The following MLF1 variants were observed in gnomAD, a reference collection of about 807,000 sequenced individuals.
MLF1 encodes myeloid leukemia factor 1.
A neutral mutation model predicts 38.3 loss-of-function variants in MLF1; 37 were observed. The observed-to-expected ratio is 0.96, with a 90% confidence interval of 0.74 to 1.27. The LOEUF (loss-of-function observed/expected upper bound fraction) is 1.27, where lower values mean the gene tolerates loss of function less well. Ranked by LOEUF, MLF1 falls within the 50% of genes most tolerant of loss-of-function variation. The probability of loss-of-function intolerance (pLI) is 0.00; values close to 1 mark genes in which losing one functional copy is unlikely to be tolerated. For synonymous variants in MLF1, 95 were observed against 106.5 expected, an observed-to-expected ratio of 0.89 and a Z score of 0.66; for missense variants, 331 against 349.2, an observed-to-expected ratio of 0.95 and a Z score of 0.42.
chr3:158,601,420 T>A (rs1719725344), intron 6 of MLF1, among the ~76,000 whole-genome samples: 1 of 151,960 alleles, frequency 6.6e-6, no homozygotes, highest in Admixed American at 6.6e-5. Flanking sequence ...ATACAAAAAT[T>A]AGCCGGGCAT....
chr3:158,592,465 C>A lies in MLF1; in HGVS notation c.79C>A (p.Arg27=). The change falls in exon 2 of 8, where the codon CGA becomes AGA. Residue 27 remains arginine, a synonymous_variant. Transcript: ENST00000466246. The part of the protein sequence containing the change: ...ESILAHRENM[R]QMIRSFSEPF... ...CATTCTTGCACACCGAGAAAATATGCGACAGATGATAAGAAGTTTTTCTGA... is the reference window on the plus strand; with the variant it reads ...CATTCTTGCACACCGAGAAAATATGAGACAGATGATAAGAAGTTTTTCTGA... 1 of 1,608,714 alleles carries A rather than the reference C, an allele frequency of 6.2e-7. No homozygotes were observed. Among genetic ancestry groups the A allele is most frequent in the East Asian group, 2.2e-5 (1 of 44,680 alleles).
chr3:158,586,015 T>A (rs540994328), intron 1 of MLF1, among the ~76,000 whole-genome samples: 14 of 151,516 alleles, frequency 9.2e-5, no homozygotes, highest in South Asian at 6.3e-4. Flanking sequence ...TACAAAAAAA[T>A]TTGTATGGCA....
chr3:158,591,653 G>T (rs1718171309), intron 1 of MLF1, among the ~76,000 whole-genome samples: 1 of 152,012 alleles, frequency 6.6e-6, no homozygotes, highest in African/African-American at 2.4e-5. Flanking sequence ...CAATCATGGT[G>T]TACCTTAAGT....
At chr3:158,589,060 T>G in intron 1 of MLF1, 2 of 357,496 alleles carry the variant, frequency 5.6e-6, no homozygotes, top group Admixed American at 7.2e-5. Flanking sequence ...TGGAGATTTT[T>G]CTCTGTGTAG....
intron 1 of MLF1, chr3:158,582,992 A>G: frequency 1.6e-6 from 1 of 612,728 alleles, no homozygotes; most frequent in Non-Finnish European, 2.9e-6. Flanking sequence ...GTTTGTTCAA[A>G]TAATAATAGG....
Position 158,605,175 on chromosome 3 carries a change from C to G in MLF1, c.825C>G (p.Gly275=). The G allele has an allele frequency of 6.2e-7, 1 of 1,613,486 alleles. No homozygotes were observed. The highest frequency in any genetic ancestry group is 1.1e-5 in the South Asian group (1 of 90,918). The part of the protein sequence containing the change: ...NVLGDKLHIK[G]SSVKSNKK Reference sequence around the variant, plus strand: ...TGGGGGACAAACTCCACATCAAAGGCTCATCTGTGAAAAGCAACAAAAAAT... The same window carrying G: ...TGGGGGACAAACTCCACATCAAAGGGTCATCTGTGAAAAGCAACAAAAAAT... Residue 275 remains glycine (G), a synonymous_variant, in exon 8 of 8, where the codon GGC becomes GGG. Coordinates refer to ENST00000466246, the MANE Select transcript of MLF1 (RefSeq NM_001369783.1).
chr3:158,587,278 A>G (rs1295741997), intron 1 of MLF1, among the ~76,000 whole-genome samples: 1 of 152,166 alleles, frequency 6.6e-6, no homozygotes, highest in Non-Finnish European at 1.5e-5. Context: ...AATTGGAGAA[A>G]GCATGTCTTT....
Position 158,592,465 on chromosome 3 carries a change from C to T in MLF1, c.79C>T (p.Arg27Ter), listed in dbSNP as rs375897249. Residue 27 changes from arginine to a stop codon, truncating the protein, a stop_gained, in exon 2 of 8, where the codon CGA becomes TGA. Coordinates refer to ENST00000466246, the MANE Select transcript of MLF1 (RefSeq NM_001369783.1). LOFTEE classifies it high-confidence loss of function. ...CATTCTTGCACACCGAGAAAATATG[C>T]GACAGATGATAAGAAGTTTTTCTGA... is the stretch of plus-strand genomic sequence containing the variant. Reference protein sequence around the residue: ...ESILAHRENMRQMIRSFSEPF... With the variant: ...ESILAHRENM The T allele has an allele frequency of 9.9e-6, 16 of 1,608,596 alleles. No homozygotes were observed. In the Admixed American group the frequency reaches 1.0e-4, roughly 10 times the overall value.
chr3:158,579,789 T>C (rs553101768), intron 1 of MLF1, among the ~76,000 whole-genome samples: 1 of 152,324 alleles, frequency 6.6e-6, no homozygotes, highest in South Asian at 2.1e-4. Flanking sequence ...CATCTACATA[T>C]CTAAAGGAAA....
intron 7 of MLF1, 90 bp from the exon 8 acceptor site, chr3:158,605,007 T>C (rs1301286363): frequency 6.2e-6 from 6 of 961,212 alleles, no homozygotes; most frequent in Middle Eastern, 2.2e-4. Flanking sequence ...ACTTTTCTTA[T>C]ATTACAGTGG....
chr3:158,598,030 A>G lies in MLF1; in HGVS notation c.325-50A>G, dbSNP rs774679978. 3.8e-6 allele frequency: 6 copies of G among 1,592,050 alleles called. No homozygotes were observed. The Admixed American group carries it at 5.2e-5, about 14-fold the overall frequency. On this transcript the variant is annotated intron_variant, in intron 4 of 7. Transcript: ENST00000466246. ...TGTTACTTATTTGAACTCTCTGGCA[A>G]TAATTATTTATATTTGACTCGACTG...
chr3:158,594,099 C>G (rs1233739858), intron 3 of MLF1, among the ~76,000 whole-genome samples: 1 of 151,980 alleles, frequency 6.6e-6, no homozygotes, highest in African/African-American at 2.4e-5. Context: ...GTTTGGCATA[C>G]AGGTATAACA....
chr3:158,589,090 A>G (rs912523363), intron 1 of MLF1, among the ~76,000 whole-genome samples: 1 of 152,214 alleles, frequency 6.6e-6, no homozygotes, highest in African/African-American at 2.4e-5. Context: ...AGGTGAGCAG[A>G]GCCTTTAATT....
At chr3:158,572,430 G>A (rs151064292) in intron 1 of MLF1, among the ~76,000 whole-genome samples, 113 of 141,234 alleles carry the variant, frequency 8.0e-4, no homozygotes, top group African/African-American at 2.7e-3. Flanking sequence ...GTTTGGGAGC[G>A]TGAGGTGGCG....
At position 158,598,206 on chromosome 3, in the gene MLF1, G is replaced by A. The variant is rs1029890091; in HGVS notation, c.451G>A (p.Gly151Arg). ...ASTQTRRAPG[G>R]IKETRKAMRD... ...AACTCAAACTCGTCGAGCTCCAGGA[G>A]GAGTAAGTTTTCTATAAGCATTCCT... Residue 151 changes from glycine to arginine, a missense_variant and splice_region_variant, in exon 5 of 8, where the codon GGA becomes AGA. By Grantham distance (125) the Gly-to-Arg change is moderately radical (BLOSUM62 -2). Coordinates refer to ENST00000466246, the MANE Select transcript of MLF1 (RefSeq NM_001369783.1). 2 of 1,611,264 alleles carry A rather than the reference G, an allele frequency of 1.2e-6. No homozygotes were observed. Among genetic ancestry groups the A allele is most frequent in the Non-Finnish European group, 1.7e-6 (2 of 1,179,372 alleles).
intron 1 of MLF1, among the ~76,000 whole-genome samples, chr3:158,576,142 G>A (rs1715388373): frequency 6.6e-6 from 1 of 152,120 alleles, no homozygotes; most frequent in South Asian, 2.1e-4. Context: ...AAAAGGAAAT[G>A]TTAAAAGTTA....
intron 1 of MLF1, among the ~76,000 whole-genome samples, chr3:158,579,998 A>G (rs1291623050): frequency 6.6e-6 from 1 of 152,228 alleles, no homozygotes; most frequent in Non-Finnish European, 1.5e-5. Flanking sequence ...ATTATGAAAT[A>G]TTTCAAACAT....
intron 5 of MLF1, among the ~76,000 whole-genome samples, chr3:158,598,463 G>A (rs945155079): frequency 7.0e-5 from 10 of 143,638 alleles, no homozygotes; most frequent in Non-Finnish European, 1.4e-4. Flanking sequence ...AAATATCTAT[G>A]GATGTTTATT....
intron 1 of MLF1, chr3:158,588,998 A>G: frequency 2.3e-6 from 1 of 428,842 alleles, no homozygotes; most frequent in South Asian, 1.7e-5. Flanking sequence ...CCCCTCCCCT[A>G]AAATCCAAAG....
Sources: gnomAD v4.1 joint callset for allele counts (sites outside exome capture counted in the v4.1 genomes callset) on GRCh38, gnomAD v4.1.1 for gene constraint, MANE v1.5 for transcripts, NCBI Gene and HGNC (gene_info 2026-07-23, HGNC 2026-07-21) for gene names.